WDR19: variants seen among roughly 807,000 people sequenced by gnomAD.
WDR19 encodes the protein WD repeat domain 19, also known as WD repeat-containing protein 19.
WDR19 carries 121 observed loss-of-function variants against 180.0 expected under a neutral mutation model. The ratio of observed to expected loss-of-function variants is 0.67; its 90% confidence interval spans 0.58 to 0.78. The LOEUF (loss-of-function observed/expected upper bound fraction) is 0.78. Among genes scored for constraint, WDR19 ranks in the 30% least tolerant of loss-of-function variants. WDR19 has a pLI of 0.00. For missense variants in WDR19, 1,450 were observed against 1,640.7 expected, an observed-to-expected ratio of 0.88 and a Z score of 2.01; for synonymous variants, 497 against 540.7, an observed-to-expected ratio of 0.92 and a Z score of 1.12.
At chr4:39,185,023 C>T (rs1278817862) in intron 1 of WDR19, among the ~76,000 whole-genome samples, 2 of 151,930 alleles carry the variant, frequency 1.3e-5, no homozygotes, top group Non-Finnish European at 2.9e-5. Flanking sequence ...AAATTAACAA[C>T]GAGATAGTTT....
At chr4:39,184,092 A>G (rs2109736048) in intron 1 of WDR19, among the ~76,000 whole-genome samples, 1 of 152,028 alleles carries the variant, frequency 6.6e-6, no homozygotes, top group East Asian at 1.9e-4. Flanking sequence ...AATAGAGGGG[A>G]ATTTCTTCTT....
rs1442233570 is a variant in WDR19 at position 39,255,943 on chromosome 4, T to G, written c.3097T>G (p.Cys1033Gly). 3 of 1,580,182 alleles carry G rather than the reference T, an allele frequency of 1.9e-6. No homozygotes were observed. The highest frequency in any genetic ancestry group is 2.6e-6 in the Non-Finnish European group (3 of 1,164,442). The change falls in exon 27 of 37, where the codon TGT (cysteine) becomes GGT (glycine). Residue 1033 changes from cysteine to glycine, a missense_variant. Physicochemically the swap from Cys to Gly is radical, Grantham distance 159. Transcript: ENST00000399820. ...YLQAGKFFLL[C>G]GQYSRALKHF... ...TCAGGCTGGAAAATTCTTCTTGCTG[T>G]GTGGCCAATATTCACGAGTTAGTAT...
intron 28 of WDR19, among the ~76,000 whole-genome samples, chr4:39,263,734 T>G (rs6834043): frequency 0.98 from 148,519 of 152,206 alleles, 72,563 homozygotes; most frequent in Middle Eastern, 1. Context: ...AGACCAGCCT[T>G]ACCAATATGG....
At chr4:39,199,452 C>G (rs1727144777) in intron 5 of WDR19, 26 bp from the exon 6 acceptor site, 2 of 1,570,970 alleles carry the variant, frequency 1.3e-6, no homozygotes, top group African/African-American at 2.7e-5. Flanking sequence ...ATCCACATGT[C>G]TGTATAAAAA....
intron 15 of WDR19, among the ~76,000 whole-genome samples, chr4:39,226,024 C>T (rs1240267668): frequency 6.6e-6 from 1 of 152,202 alleles, no homozygotes; most frequent in Non-Finnish European, 1.5e-5. Flanking sequence ...CGAGTTTCCT[C>T]TACTTAATAC....
chr4:39,245,248 A>G (rs1332255796), intron 23 of WDR19, 121 bp from the exon 24 acceptor site: 1 of 796,854 alleles, frequency 1.3e-6, no homozygotes, highest in Non-Finnish European at 1.9e-6. Context: ...GCCAGGAGCC[A>G]AGATTTTTGA....
intron 13 of WDR19, 86 bp downstream of exon 13, chr4:39,217,326 C>A: frequency 9.0e-7 from 1 of 1,105,750 alleles, no homozygotes; most frequent in Non-Finnish European, 1.3e-6. Context: ...GGTCAGGAAG[C>A]AAGGATGTAC....
Position 39,228,210 on chromosome 4 carries a change from G to T in WDR19, c.1630G>T (p.Val544Phe). ...EKSDGFVYCP[V>F]NDATYEIPDF... ...CAAATCTGTAAATTTTATTTTGTAG[G>T]TCAATGACGCTACCTATGAGATTCC... The change falls in exon 16 of 37, where the codon GTC becomes TTC. Residue 544 changes from valine (V) to phenylalanine (F), a missense_variant and splice_region_variant. Val to Phe is a conservative substitution (Grantham distance 50). Coordinates refer to ENST00000399820, the MANE Select transcript of WDR19 (RefSeq NM_025132.4). The T allele has an allele frequency of 1.2e-6, 2 of 1,611,954 alleles. No individual in the cohort carries two copies. Among genetic ancestry groups the T allele is most frequent in the Non-Finnish European group, 1.7e-6 (2 of 1,179,328 alleles).
rs750728136 is a variant in WDR19 at position 39,231,779 on chromosome 4, T to C, written c.1983-18T>C. 6.4e-7 allele frequency: 1 copy of C among 1,567,572 alleles called. No homozygotes were observed. The highest frequency in any genetic ancestry group is 1.3e-5 in the African/African-American group (1 of 74,238). On this transcript the variant is annotated intron_variant, in intron 17 of 36. Transcript: ENST00000399820. ...GCAAGTGGAACATTCTGATTAAGCT[T>C]ATGTTCTTACATCCCAGGTTTTCTG... is the stretch of plus-strand genomic sequence containing the variant.
At chr4:39,240,376 G>A in intron 21 of WDR19, 42 bp downstream of exon 21, 1 of 1,236,280 alleles carries the variant, frequency 8.1e-7, no homozygotes, top group Non-Finnish European at 1.1e-6. Flanking sequence ...TTATGTCTGG[G>A]TTTGTTTTCA....
chr4:39,252,235 A>G (rs1228494116), intron 24 of WDR19, among the ~76,000 whole-genome samples: 2 of 151,722 alleles, frequency 1.3e-5, no homozygotes, highest in Non-Finnish European at 2.9e-5. Context: ...GGAAACCATC[A>G]TTCTCAGCAA....
chr4:39,246,235 G>A (rs1441609300), intron 24 of WDR19, among the ~76,000 whole-genome samples: 2 of 152,206 alleles, frequency 1.3e-5, no homozygotes, highest in African/African-American at 4.8e-5. Flanking sequence ...GCTGGGCGTG[G>A]TGGCTCACAC....
rs370948119 is a variant in WDR19 at position 39,231,907 on chromosome 4, A to C, written c.2093A>C (p.Tyr698Ser). The C allele has an allele frequency of 1.2e-6, 2 of 1,613,670 alleles. No individual in the cohort carries two copies. Among genetic ancestry groups the C allele is most frequent in the African/African-American group, 2.7e-5 (2 of 74,936 alleles). The change falls in exon 18 of 37, where the codon TAT (tyrosine) becomes TCT (serine). Residue 698 changes from tyrosine (Y) to serine (S), a missense_variant. Coordinates refer to ENST00000399820, the MANE Select transcript of WDR19 (RefSeq NM_025132.4). ...HMEVEFAIRVYRRIGNVGIVM... is the reference protein window; with the variant it reads ...HMEVEFAIRVSRRIGNVGIVM... ...GAAGTGGAGTTTGCAATCCGTGTTT[A>C]TCGGAGAATTGGAAATGTTGGCATA... is the stretch of plus-strand genomic sequence containing the variant.
chr4:39,254,945 G>T (rs1160750643), intron 26 of WDR19, among the ~76,000 whole-genome samples: 1 of 152,000 alleles, frequency 6.6e-6, no homozygotes, highest in Non-Finnish European at 1.5e-5. Context: ...TTGATGTTAG[G>T]ATTCACAAGA....
At chr4:39,271,747 C>G (rs966399147) in intron 31 of WDR19, among the ~76,000 whole-genome samples, 1 of 152,128 alleles carries the variant, frequency 6.6e-6, no homozygotes, top group Non-Finnish European at 1.5e-5. Flanking sequence ...GACCTGTCCA[C>G]AAGAGCAGTC....
chr4:39,186,289 G>A (rs1047430547), intron 2 of WDR19, among the ~76,000 whole-genome samples: 2 of 151,902 alleles, frequency 1.3e-5, no homozygotes, highest in Non-Finnish European at 2.9e-5. Context: ...AGACCAGCCT[G>A]GCCAACATGG....
At chr4:39,205,313 A>G in intron 8 of WDR19, 47 bp downstream of exon 8, 1 of 1,436,484 alleles carries the variant, frequency 7.0e-7, no homozygotes, top group South Asian at 1.3e-5. Context: ...TTACAGAAGG[A>G]CATCTGTAGG....
intron 36 of WDR19, among the ~76,000 whole-genome samples, chr4:39,282,677 T>C (rs1358862301): frequency 2.0e-5 from 3 of 152,198 alleles, no homozygotes; most frequent in African/African-American, 7.2e-5. Context: ...GGATTACAGG[T>C]GTGAGCCACC....
In WDR19 at chr4:39,232,325, T is replaced by C. The variant is rs1443565253; in HGVS notation, c.2253+53T>C. ...GTGTAAGAGGTATCCAGTGGGGAAATGGGGGAAAAAAAAATGGGGCCGGGT... is the reference window on the plus strand; with the variant it reads ...GTGTAAGAGGTATCCAGTGGGGAAACGGGGGAAAAAAAAATGGGGCCGGGT... On this transcript the variant is annotated intron_variant, in intron 19 of 36. Transcript: ENST00000399820. 4 of 1,451,644 alleles carry C rather than the reference T, an allele frequency of 2.8e-6. No individual in the cohort carries two copies. The African/African-American group carries it at 5.7e-5, about 21-fold the overall frequency. 89.9% of individuals were successfully genotyped at this position (1,451,644 alleles called of 1,614,324 possible).
Sources: allele counts gnomAD v4.1 joint callset (sites outside exome capture counted in the v4.1 genomes callset), GRCh38; gene constraint gnomAD v4.1.1; transcripts MANE v1.5; gene names NCBI Gene and HGNC (gene_info 2026-07-23, HGNC 2026-07-21).